DCAF6: variants seen among roughly 807,000 people sequenced by gnomAD.
DCAF6 encodes the protein DDB1 and CUL4 associated factor 6.
Under a neutral mutation model 125.1 loss-of-function variants are expected in DCAF6, and 54 were observed. The observed-to-expected ratio is 0.43, with a 90% CI of 0.35 to 0.54. The LOEUF (loss-of-function observed/expected upper bound fraction) is 0.54, where lower values mean the gene tolerates loss of function less well. DCAF6 is among the 20% of genes least tolerant of loss of function. DCAF6 has a pLI of 0.01. For synonymous variants in DCAF6, 371 were observed against 390.4 expected (o/e 0.95, Z 0.58); for missense variants, 934 against 1,161.7 (o/e 0.80, Z 2.85).
chr1:168,050,766 A>T (rs1202376472), intron 16 of DCAF6, 126 bp from the exon 17 acceptor site: 7 of 462,442 alleles, frequency 1.5e-5, no homozygotes, highest in Non-Finnish European at 2.6e-5. Flanking sequence ...CGAAGTCACA[A>T]AGGGAAACAA....
chr1:168,048,641 G>T (rs371072672), intron 16 of DCAF6, among the ~76,000 whole-genome samples: 1 of 152,086 alleles, frequency 6.6e-6, no homozygotes, highest in Non-Finnish European at 1.5e-5. Flanking sequence ...TTTTTAAATG[G>T]AATGCTCTTC....
At chr1:167,934,250 T>C (rs1424591137), upstream of DCAF6, among the ~76,000 whole-genome samples, 1 of 152,188 alleles carries the variant, frequency 6.6e-6, no homozygotes, top group Non-Finnish European at 1.5e-5. Context: ...CCCTCCAATT[T>C]TGTATTATTT....
the DCAF6 span, among the ~76,000 whole-genome samples, chr1:167,905,599 TA>T: frequency 8.3e-4 from 121 of 145,628 alleles, no homozygotes; most frequent in Non-Finnish European, 9.4e-4. Context: ...TTTCTCTCTT[TA>T]AAAAAAAAAA....
intron 10 of DCAF6, among the ~76,000 whole-genome samples, chr1:168,007,977 T>TC (rs1202989718): frequency 7.1e-6 from 1 of 141,648 alleles, no homozygotes; most frequent in East Asian, 2.0e-4. Context: ...TTTTTTTTTT[T>TC]TTTTTTTTTT....
chr1:167,974,960 A>G lies in DCAF6; in HGVS notation c.383A>G (p.Asp128Gly), dbSNP rs759166225. The G allele has an allele frequency of 1.9e-6, 3 of 1,609,328 alleles. No homozygotes were observed. In the Admixed American group the frequency reaches 5.0e-5, roughly 27 times the overall value. ...ATATTTTATACCAACGTTGAGCAAG[A>G]TGCAGAAACCAACAGACAATGCCAA... The part of the protein sequence containing the change: ...GVIFYTNVEQ[D>G]AETNRQCQFT... Residue 128 changes from aspartate (D) to glycine (G), a missense_variant, in exon 4 of 22, where the codon GAT becomes GGT. By Grantham distance (94) the Asp-to-Gly change is moderately conservative. Transcript: ENST00000367840.
the DCAF6 span, among the ~76,000 whole-genome samples, chr1:167,889,563 T>G: frequency 2.0e-5 from 3 of 152,176 alleles, no homozygotes; most frequent in African/African-American, 7.2e-5. Context: ...TGTCTGGTTT[T>G]GGTATCAGGG....
intron 11 of DCAF6, among the ~76,000 whole-genome samples, chr1:168,016,647 T>C (rs1685011134): frequency 6.6e-6 from 1 of 152,118 alleles, no homozygotes. Context: ...TTCATGATGC[T>C]CAATAAACAT....
the DCAF6 span, chr1:167,919,907 CAAAA>C: frequency 4.0e-5 from 35 of 885,510 alleles, no homozygotes; most frequent in Admixed American, 8.8e-5. Context: ...GACCCCGTCT[CAAAA>C]AAAAAAAAAA....
At chr1:168,036,686 A>C (rs1687850534) in intron 12 of DCAF6, among the ~76,000 whole-genome samples, 1 of 152,096 alleles carries the variant, frequency 6.6e-6, no homozygotes, top group Non-Finnish European at 1.5e-5. Context: ...ATGTTTCCTT[A>C]ATACATTTCT....
At chr1:168,074,679 A>G (rs1693593536) in intron 21 of DCAF6, among the ~76,000 whole-genome samples, 1 of 152,196 alleles carries the variant, frequency 6.6e-6, no homozygotes, top group Non-Finnish European at 1.5e-5. Flanking sequence ...ATAATTCTGC[A>G]GATAGCCTGT....
chr1:168,004,774 C>T lies in DCAF6; in HGVS notation c.1359C>T (p.His453=). The T allele has an allele frequency of 6.2e-7, 1 of 1,613,868 alleles. No homozygotes were observed. Among genetic ancestry groups the T allele is most frequent in the African/African-American group, 1.3e-5 (1 of 75,038 alleles). Residue 453 remains histidine (H), a synonymous_variant, in exon 10 of 22, where the codon CAC becomes CAT. Coordinates refer to ENST00000367840, the MANE Select transcript of DCAF6 (RefSeq NM_001198956.2). ...GGCAGTCTGTTGAGGCATCTGGACA[C>T]CACACACATCATCAGTCTGGTGAGG... ...EQRQSVEASG[H]HTHHQSEFLR... is the part of the protein sequence containing the mutation.
the DCAF6 span, among the ~76,000 whole-genome samples, chr1:167,909,287 G>T: frequency 1.3e-5 from 2 of 151,976 alleles, no homozygotes; most frequent in African/African-American, 4.8e-5. Flanking sequence ...CTATACTATT[G>T]ACCTGTGGGT....
At chr1:167,932,000 T>C (rs185759645), upstream of DCAF6, among the ~76,000 whole-genome samples, 262 of 152,330 alleles carry the variant, frequency 1.7e-3, 3 homozygotes, top group Non-Finnish European at 1.9e-3. Context: ...TTAAGAATGA[T>C]ATTCTCAGCA....
intron 2 of DCAF6, among the ~76,000 whole-genome samples, chr1:167,960,958 ATCTT>A (rs1054789634): frequency 4.6e-5 from 7 of 152,204 alleles, no homozygotes; most frequent in African/African-American, 1.7e-4. Flanking sequence ...AAAATACTGA[ATCTT>A]TCTATTTATT....
At chr1:168,020,492 C>T (rs1166890409) in intron 11 of DCAF6, among the ~76,000 whole-genome samples, 1 of 152,126 alleles carries the variant, frequency 6.6e-6, no homozygotes, top group Non-Finnish European at 1.5e-5. Context: ...GAGCTTAGTA[C>T]TGAGTGAGCT....
At chr1:168,050,117 G>T (rs990373809) in intron 16 of DCAF6, among the ~76,000 whole-genome samples, 4 of 149,712 alleles carry the variant, frequency 2.7e-5, no homozygotes, top group African/African-American at 9.8e-5. Flanking sequence ...TCCTCACATA[G>T]TCTTGAATAG....
At chr1:168,049,434 T>TTG (rs1689579516) in intron 16 of DCAF6, among the ~76,000 whole-genome samples, 1 of 115,978 alleles carries the variant, frequency 8.6e-6, no homozygotes, top group African/African-American at 5.3e-5. Context: ...TGTTGTTGTT[T>TTG]TTTTTTTTTT....
In DCAF6 at chr1:167,967,714, C is replaced by CTTTT. The variant is rs552208317; in HGVS notation, c.252+1016_252+1019dup. On this transcript the variant is annotated intron_variant, in intron 3 of 21. Transcript: ENST00000367840. ...CCTGATTGTCTTAAATTTCCTGTAT[C>CTTTT]TTTTTTTTTTTTTTTTTTTTTTTTT... is the stretch of plus-strand genomic sequence containing the variant. Among the ~76,000 whole-genome samples the CTTTT allele has an allele frequency of 2.3e-4, 17 of 74,552 alleles. 2 individuals carry two copies. The highest frequency in any genetic ancestry group is 3.4e-4 in the Admixed American group (2 of 5,848). 48.9% of individuals were successfully genotyped at this position (74,552 alleles called of 152,430 possible).
chr1:167,925,442 C>CGTAT, the DCAF6 span, among the ~76,000 whole-genome samples: 1,228 of 82,186 alleles, frequency 0.015, 14 homozygotes, highest in Non-Finnish European at 0.018. Context: ...TACATATACA[C>CGTAT]ATATATATAT....
Sources: gnomAD v4.1 joint callset for allele counts (sites outside exome capture counted in the v4.1 genomes callset) on GRCh38, gnomAD v4.1.1 for gene constraint, MANE v1.5 for transcripts, NCBI Gene and HGNC (gene_info 2026-07-23, HGNC 2026-07-21) for gene names.